SPOP: variants seen among roughly 807,000 people sequenced by gnomAD.
The protein encoded by SPOP is speckle-type POZ protein.
SPOP carries 11 observed loss-of-function variants against 45.6 expected under a neutral mutation model. The observed-to-expected ratio is 0.24, with a 90% confidence interval of 0.15 to 0.40. The LOEUF (loss-of-function observed/expected upper bound fraction) is 0.40. Among genes scored for constraint, SPOP ranks in the 10% least tolerant of loss-of-function variants. SPOP has a pLI of 1.00. For synonymous variants in SPOP, 166 were observed against 166.3 expected (o/e 1.00, Z 0.01); for missense variants, 152 against 465.6 (o/e 0.33, Z 6.20).
At chr17:49,667,459 T>C (rs2073078049) in intron 1 of SPOP, among the ~76,000 whole-genome samples, 6 of 151,352 alleles carry the variant, frequency 4.0e-5, no homozygotes, top group African/African-American at 1.5e-4. Context: ...CGTGGTGGCA[T>C]GCGCCTGTCA....
At chr17:49,602,518 C>A (rs891169068) in intron 8 of SPOP, 1 of 152,778 alleles carries the variant, frequency 6.5e-6, no homozygotes, top group Non-Finnish European at 1.5e-5. Context: ...GAGGGTGAAG[C>A]ACAGTCCTTT....
intron 8 of SPOP, among the ~76,000 whole-genome samples, chr17:49,604,324 A>G (rs923918601): frequency 2.6e-5 from 4 of 152,206 alleles, no homozygotes; most frequent in African/African-American, 7.2e-5. Context: ...TTGTACTCAT[A>G]AAGTCTTGAA....
At chr17:49,668,297 T>C (rs1416963336) in intron 1 of SPOP, among the ~76,000 whole-genome samples, 1 of 152,180 alleles carries the variant, frequency 6.6e-6, no homozygotes, top group East Asian at 1.9e-4. Flanking sequence ...CAAAATACCT[T>C]ATGTGTATTA....
rs2072168108 is a variant in SPOP, at chr17:49,619,337, G to A, written c.249C>T (p.Tyr83=). The A allele has an allele frequency of 6.2e-7, 1 of 1,613,912 alleles. No homozygotes were observed. Among genetic ancestry groups the A allele is most frequent in the Admixed American group, 1.7e-5 (1 of 59,986 alleles). Residue 83 remains tyrosine (Y), a synonymous_variant, in exon 4 of 10, where the codon TAC becomes TAT. Transcript: ENST00000504102. This position sits in a 1 kb window ranked among gnomAD's most constrained non-coding sequence, Gnocchi z 4.9. ...PKGLDEESKD[Y]LSLYLLLVSC... is the part of the protein sequence containing the mutation. Reference sequence around the variant, plus strand: ...TGACCAGTAACAGGTAAAGTGACAGGTAATCTTTGCTTTCTTCATCTAACC... The same window carrying A: ...TGACCAGTAACAGGTAAAGTGACAGATAATCTTTGCTTTCTTCATCTAACC...
intron 2 of SPOP, 176 bp downstream of exon 2, chr17:49,622,557 T>C (rs533369106): frequency 3.3e-6 from 2 of 613,078 alleles, no homozygotes; most frequent in South Asian, 4.0e-5. Context: ...CTAGGGAATT[T>C]AGATTCCACA....
At chr17:49,660,954 A>T (rs1001587987) in intron 1 of SPOP, among the ~76,000 whole-genome samples, 1 of 152,190 alleles carries the variant, frequency 6.6e-6, no homozygotes, top group African/African-American at 2.4e-5. Flanking sequence ...TGACAGAGCA[A>T]GACTCCATCT....
chr17:49,628,707 C>G (rs925297299), intron 1 of SPOP, among the ~76,000 whole-genome samples: 1 of 152,144 alleles, frequency 6.6e-6, no homozygotes, highest in African/African-American at 2.4e-5. Flanking sequence ...AATCTGAAAT[C>G]CAAAACACTC....
chr17:49,599,514 T>TTG lies in SPOP; in HGVS notation c.*863_*864insCA, dbSNP rs201572572. The stretch of plus-strand genomic sequence containing the variant: ...CTGTTTTTGTTTTGTGTGTTTTTTT[T>TTG]TTTGTTTGTTTTTTAGAAAAAGGGG... On this transcript the variant is annotated 3_prime_UTR_variant, in exon 10 of 10. Transcript: ENST00000504102. 4,863 of 212,040 alleles carry TTG rather than the reference T, an allele frequency of 0.023. 253 individuals carry two copies. Among genetic ancestry groups the TTG allele is most frequent in the East Asian group, 0.17 (2,331 of 14,098 alleles). 13.1% of individuals were successfully genotyped at this position (212,040 alleles called of 1,614,324 possible).
At chr17:49,629,887 C>G (rs2072417066) in intron 1 of SPOP, among the ~76,000 whole-genome samples, 1 of 152,106 alleles carries the variant, frequency 6.6e-6, no homozygotes, top group Non-Finnish European at 1.5e-5. Flanking sequence ...ATGACAGGAA[C>G]AAGATTGTGA....
chr17:49,634,551 TAAA>T (rs1567787246), intron 1 of SPOP, among the ~76,000 whole-genome samples: 1 of 152,200 alleles, frequency 6.6e-6, no homozygotes, highest in African/African-American at 2.4e-5. Context: ...AAGAACCTTA[TAAA>T]ATCTAAACAG....
At chr17:49,626,998 C>T (rs1057043085) in intron 1 of SPOP, among the ~76,000 whole-genome samples, 2 of 152,038 alleles carry the variant, frequency 1.3e-5, no homozygotes, top group African/African-American at 2.4e-5. Flanking sequence ...TACAGGCACC[C>T]GCCACCATGC....
At chr17:49,602,740 G>A (rs572259302) in intron 8 of SPOP, among the ~76,000 whole-genome samples, 1 of 152,296 alleles carries the variant, frequency 6.6e-6, no homozygotes. Flanking sequence ...AGGACAAAGT[G>A]GCAGAGAGCC....
rs535479570 is a variant in SPOP, at chr17:49,631,750, G to A, written c.-66-8874C>T. 4.0e-4 allele frequency among the ~76,000 whole-genome samples: 61 copies of A among 152,178 alleles called. No homozygotes were observed. The South Asian group carries it at 7.1e-3, about 18-fold the overall frequency. On this transcript the variant is annotated intron_variant, in intron 1 of 9. Coordinates refer to ENST00000504102, the MANE Select transcript of SPOP (RefSeq NM_001007228.2). ...TAACTCTAATCCACAAACACATTGG[G>A]CTCTTTCCTCAGCCTAGAAAGCTCT...
chr17:49,611,886 C>CTT (rs58317598), intron 5 of SPOP, among the ~76,000 whole-genome samples: 2,079 of 146,234 alleles, frequency 0.014, 40 homozygotes, highest in African/African-American at 0.044. Flanking sequence ...AATCTGATCA[C>CTT]TTTTTTTTTT....
intron 3 of SPOP, among the ~76,000 whole-genome samples, chr17:49,621,058 G>A (rs925849982): frequency 6.6e-6 from 1 of 152,192 alleles, no homozygotes; most frequent in Admixed American, 6.5e-5. Context: ...CTTGCGTTTT[G>A]GTCTTTGCAG....
At chr17:49,670,786 T>C (rs2073126213) in intron 1 of SPOP, among the ~76,000 whole-genome samples, 1 of 152,186 alleles carries the variant, frequency 6.6e-6, no homozygotes. Context: ...GACAGCTAGA[T>C]ATCAGAGTTT....
intron 1 of SPOP, among the ~76,000 whole-genome samples, chr17:49,638,921 G>A (rs2072595298): frequency 6.6e-6 from 1 of 152,212 alleles, no homozygotes; most frequent in South Asian, 2.1e-4. Context: ...GCTGAGACTG[G>A]AGAATCGCTT....
intron 1 of SPOP, among the ~76,000 whole-genome samples, chr17:49,669,346 C>T (rs1258981780): frequency 3.4e-5 from 5 of 148,728 alleles, no homozygotes; most frequent in South Asian, 4.2e-4. Flanking sequence ...GGATTACAGG[C>T]GTGAGCCACC....
At chr17:49,660,641 CTAAATT>C (rs1361997999) in intron 1 of SPOP, among the ~76,000 whole-genome samples, 2 of 152,116 alleles carry the variant, frequency 1.3e-5, no homozygotes, top group Non-Finnish European at 2.9e-5. Flanking sequence ...ACTCCTCCAC[CTAAATT>C]TAATCTCCCC....
Sources: gnomAD v4.1 joint callset for allele counts (sites outside exome capture counted in the v4.1 genomes callset) on GRCh38, gnomAD v4.1.1 for gene constraint, Gnocchi (gnomAD v3.1) non-coding constraint, MANE v1.5 for transcripts, NCBI Gene and HGNC (gene_info 2026-07-23, HGNC 2026-07-21) for gene names.